Variants in GDA observed in about 807,000 individuals in gnomAD.
GDA encodes guanine deaminase.
GDA carries 18 observed loss-of-function variants against 59.6 expected under a neutral mutation model. The ratio of observed to expected loss-of-function variants is 0.30; its 90% confidence interval spans 0.21 to 0.45. The LOEUF is 0.45. Among genes scored for constraint, GDA ranks in the 20% least tolerant of loss-of-function variants. The probability of loss-of-function intolerance (pLI) is 1.00; values close to 1 mark genes in which losing one functional copy is unlikely to be tolerated. For synonymous variants in GDA, 201 were observed against 201.1 expected, an observed-to-expected ratio of 1.00 and a Z score of 0.00; for missense variants, 427 against 552.3, an observed-to-expected ratio of 0.77 and a Z score of 2.27.
At chr9:72,123,518 G>C (rs368370287) in intron 1 of GDA, among the ~76,000 whole-genome samples, 1 of 89,922 alleles carries the variant, frequency 1.1e-5, no homozygotes, top group Admixed American at 1.6e-4. Flanking sequence ...ACAGAATTTC[G>C]CTCTTGTTGC....
chr9:72,241,014 A>C (rs542874760), intron 10 of GDA, 138 bp from the exon 11 acceptor site: 3 of 513,090 alleles, frequency 5.8e-6, no homozygotes, highest in African/African-American at 5.6e-5. Flanking sequence ...GTCTACGACT[A>C]TCTTGTGTTT....
At chr9:72,201,126 C>T (rs1401243125) in intron 2 of GDA, among the ~76,000 whole-genome samples, 1 of 152,016 alleles carries the variant, frequency 6.6e-6, no homozygotes, top group Non-Finnish European at 1.5e-5. Context: ...CTAAATACAT[C>T]CTCATGACAG....
chr9:72,126,566 CT>C (rs72370881), intron 1 of GDA, among the ~76,000 whole-genome samples: 358 of 133,588 alleles, frequency 2.7e-3, no homozygotes, highest in African/African-American at 4.9e-3. Context: ...CCTGGTTAGT[CT>C]TTTTTTTTTT....
chr9:72,156,937 G>A (rs190701387), intron 1 of GDA, among the ~76,000 whole-genome samples: 44 of 152,018 alleles, frequency 2.9e-4, no homozygotes, highest in Admixed American at 2.2e-3. Flanking sequence ...AAAAGGTTAA[G>A]GGGATTTCAG....
At chr9:72,127,147 C>G (rs1179771265) in intron 1 of GDA, among the ~76,000 whole-genome samples, 2 of 151,800 alleles carry the variant, frequency 1.3e-5, no homozygotes, top group African/African-American at 4.8e-5. Context: ...GTTCACACAG[C>G]ATGACACTTG....
At chr9:72,134,017 AC>A (rs1482349802) in intron 1 of GDA, among the ~76,000 whole-genome samples, 1 of 152,164 alleles carries the variant, frequency 6.6e-6, no homozygotes, top group East Asian at 1.9e-4. Context: ...CAGATTCTCT[AC>A]TTCTTGTGTA....
intron 1 of GDA, among the ~76,000 whole-genome samples, chr9:72,176,093 G>C (rs1830514756): frequency 6.6e-6 from 1 of 152,184 alleles, no homozygotes; most frequent in African/African-American, 2.4e-5. Context: ...GAGGTCCCAG[G>C]CAAGATGTCA....
intron 9 of GDA, chr9:72,228,438 A>G (rs1249787811): frequency 2.1e-5 from 4 of 191,108 alleles, no homozygotes; most frequent in East Asian, 3.0e-4. Flanking sequence ...CAAATGCACT[A>G]TGATGTATGT....
At chr9:72,238,010 C>T (rs1461963032) in intron 10 of GDA, among the ~76,000 whole-genome samples, 1 of 152,106 alleles carries the variant, frequency 6.6e-6, no homozygotes, top group African/African-American at 2.4e-5. Flanking sequence ...CAATGAAAAT[C>T]TGATCATGTC....
Position 72,249,337 on chromosome 9 carries a change from G to A in GDA, c.*995G>A, listed in dbSNP as rs190203676. 1.4e-4 allele frequency: 139 copies of A among 978,194 alleles called. 1 individual carries two copies. In the East Asian group the frequency reaches 9.2e-3, roughly 65 times the overall value. 60.6% of individuals were successfully genotyped at this position (978,194 alleles called of 1,614,324 possible). ...GTAGTTTCTGGAAATTCCATACTCA[G>A]ATATCAGTCTGCTAGAACTTTAAAA... On this transcript the variant is annotated 3_prime_UTR_variant, in exon 14 of 14. Transcript: ENST00000358399.
At position 72,181,421 on chromosome 9, in the gene GDA, G is replaced by A. The variant is rs189176820; in HGVS notation, c.124-14079G>A. 2.0e-5 allele frequency among the ~76,000 whole-genome samples: 3 copies of A among 152,252 alleles called. No individual in the cohort carries two copies. In the East Asian group the frequency reaches 5.8e-4, roughly 29 times the overall value. On this transcript the variant is annotated intron_variant, in intron 1 of 13. Coordinates refer to ENST00000358399, the MANE Select transcript of GDA (RefSeq NM_004293.5). The stretch of plus-strand genomic sequence containing the variant: ...GCTCACTGAAACCTCCACCTCCTGG[G>A]TTCAAGCAATTCTCTGCCTCAGCCT...
At chr9:72,120,874 C>T (rs1165336790) in intron 1 of GDA, among the ~76,000 whole-genome samples, 1 of 152,058 alleles carries the variant, frequency 6.6e-6, no homozygotes, top group Non-Finnish European at 1.5e-5. Flanking sequence ...TTTGCACCAC[C>T]GACCCTGCAA....
intron 1 of GDA, among the ~76,000 whole-genome samples, chr9:72,188,899 G>A (rs1388320454): frequency 1.3e-5 from 2 of 152,142 alleles, no homozygotes; most frequent in Non-Finnish European, 2.9e-5. Context: ...CCAGGATGCA[G>A]AAAATGGAGT....
intron 8 of GDA, among the ~76,000 whole-genome samples, chr9:72,226,491 G>A (rs1470780311): frequency 6.6e-6 from 1 of 152,130 alleles, no homozygotes; most frequent in Non-Finnish European, 1.5e-5. Flanking sequence ...CTCTGAGAGT[G>A]CTTTTAAAAA....
chr9:72,116,677 G>A (rs575807923), intron 1 of GDA, among the ~76,000 whole-genome samples: 98 of 152,118 alleles, frequency 6.4e-4, no homozygotes, highest in African/African-American at 2.3e-3. Flanking sequence ...GAGCCACCGC[G>A]CCCGGCCTCC....
intron 10 of GDA, among the ~76,000 whole-genome samples, chr9:72,233,131 C>T (rs557792776): frequency 1.6e-4 from 24 of 152,272 alleles, no homozygotes; most frequent in Non-Finnish European, 2.8e-4. Flanking sequence ...ATTTACCCTT[C>T]AATTTGTAAA....
Position 72,250,981 on chromosome 9 carries a change from GA to G in GDA, c.*2642del, listed in dbSNP as rs1840622369. The G allele has an allele frequency of 8.9e-6, 6 of 672,130 alleles. No homozygotes were observed. Among genetic ancestry groups the G allele is most frequent in the African/African-American group, 1.8e-5 (1 of 55,260 alleles). 41.6% of individuals were successfully genotyped at this position (672,130 alleles called of 1,614,324 possible). On this transcript the variant is annotated 3_prime_UTR_variant, in exon 14 of 14. Transcript: ENST00000358399. The stretch of plus-strand genomic sequence containing the variant: ...CATGGGAAGTAAAAGATTAGGATGT[GA>G]AAGGTTGTCCTAAACAGACCAAGGA...
chr9:72,139,531 C>G (rs887168622), intron 1 of GDA, among the ~76,000 whole-genome samples: 1 of 152,164 alleles, frequency 6.6e-6, no homozygotes, highest in African/African-American at 2.4e-5. Context: ...TGGGAAGAGT[C>G]ATTCCAGGCC....
intron 1 of GDA, among the ~76,000 whole-genome samples, chr9:72,151,114 A>G (rs1047260778): frequency 1.3e-5 from 2 of 152,216 alleles, no homozygotes; most frequent in African/African-American, 4.8e-5. Context: ...GAGGAATAAG[A>G]AAAGGAAGTA....
Sources: allele counts gnomAD v4.1 joint callset (sites outside exome capture counted in the v4.1 genomes callset), GRCh38; gene constraint gnomAD v4.1.1; transcripts MANE v1.5; gene names NCBI Gene and HGNC (gene_info 2026-07-23, HGNC 2026-07-21).